SLC35F4: variants seen among roughly 807,000 people sequenced by gnomAD.
SLC35F4 encodes the protein chromosome 14 open reading frame 36.
A neutral mutation model predicts 44.2 loss-of-function variants in SLC35F4; 24 were observed. That is an observed-to-expected ratio of 0.54 (90% CI 0.39 to 0.76). The LOEUF is 0.76. Ranked by LOEUF, SLC35F4 falls within the 30% of genes least tolerant of loss-of-function variation. The probability of loss-of-function intolerance (pLI) is 0.00; values close to 1 mark genes in which losing one functional copy is unlikely to be tolerated. For missense variants in SLC35F4, 562 were observed against 586.1 expected, an observed-to-expected ratio of 0.96 and a Z score of 0.42; for synonymous variants, 238 against 223.6, an observed-to-expected ratio of 1.06 and a Z score of -0.57.
chr14:57,794,284 T>A (rs1186941981), intron 1 of SLC35F4, among the ~76,000 whole-genome samples: 1 of 152,030 alleles, frequency 6.6e-6, no homozygotes, highest in Non-Finnish European at 1.5e-5. Context: ...GGAGAAAATA[T>A]CTGCAAACTA....
chr14:57,946,469 CTTTT>C (rs71104596), intron 1 of SLC35F4, among the ~76,000 whole-genome samples: 161 of 78,204 alleles, frequency 2.1e-3, no homozygotes, highest in African/African-American at 8.5e-3. Flanking sequence ...GTTTTCTTTT[CTTTT>C]TTTTTTTTTT....
At chr14:57,690,939 A>G (rs1019229314) in intron 1 of SLC35F4, among the ~76,000 whole-genome samples, 1 of 152,140 alleles carries the variant, frequency 6.6e-6, no homozygotes, top group Non-Finnish European at 1.5e-5. Flanking sequence ...CCTGCTGTGC[A>G]GCCCAGTACC....
chr14:57,850,935 T>G (rs1413373192), intron 1 of SLC35F4, among the ~76,000 whole-genome samples: 4 of 152,220 alleles, frequency 2.6e-5, no homozygotes, highest in African/African-American at 9.6e-5. Flanking sequence ...AATATGACAT[T>G]AATTCAACTT....
chr14:57,643,681 T>C (rs2073354262), intron 1 of SLC35F4, among the ~76,000 whole-genome samples: 2 of 152,156 alleles, frequency 1.3e-5, no homozygotes, highest in African/African-American at 4.8e-5. Flanking sequence ...GTTTGTTACT[T>C]ATGTATACAT....
intron 1 of SLC35F4, among the ~76,000 whole-genome samples, chr14:57,635,482 A>G (rs1246475906): frequency 1.3e-5 from 2 of 152,046 alleles, no homozygotes; most frequent in Non-Finnish European, 2.9e-5. Context: ...TGCTCAGAAG[A>G]TAACACTGGG....
rs75162297 is a variant in SLC35F4 at position 57,827,332 on chromosome 14, A to C, written c.103+38391T>G. ...ATGAGAACAGGGAGGGGAACAACAC[A>C]CACTAGGACCTTTCACGGGAGCTGG... is the stretch of plus-strand genomic sequence containing the variant. On this transcript the variant is annotated intron_variant, in intron 1 of 7. Coordinates refer to ENST00000556826, the MANE Select transcript of SLC35F4 (RefSeq NM_001306087.2). Among the ~76,000 whole-genome samples the C allele has an allele frequency of 3.7e-3, 569 of 152,114 alleles. 4 individuals are homozygous for C. The highest frequency in any genetic ancestry group is 0.013 in the African/African-American group (546 of 41,500).
intron 1 of SLC35F4, among the ~76,000 whole-genome samples, chr14:57,862,248 A>G (rs1887746006): frequency 6.6e-6 from 1 of 151,916 alleles, no homozygotes; most frequent in Non-Finnish European, 1.5e-5. Context: ...ATATATGCAG[A>G]CTCTGACCAC....
chr14:57,609,275 A>G (rs554728069), intron 1 of SLC35F4, among the ~76,000 whole-genome samples: 1 of 152,276 alleles, frequency 6.6e-6, no homozygotes, highest in East Asian at 1.9e-4. Context: ...ATTTATAAAA[A>G]TCAGGCATGT....
At chr14:57,937,021 A>T (rs541790138) in intron 1 of SLC35F4, among the ~76,000 whole-genome samples, 12 of 152,036 alleles carry the variant, frequency 7.9e-5, no homozygotes, top group South Asian at 4.2e-4. Context: ...ATTGAGCTTT[A>T]GCCTTACATT....
intron 1 of SLC35F4, among the ~76,000 whole-genome samples, chr14:57,793,167 C>T (rs2077969030): frequency 6.6e-6 from 1 of 151,934 alleles, no homozygotes. Flanking sequence ...TAACAGAATG[C>T]AAAAGAATTA....
At chr14:57,704,833 A>G (rs533241911) in intron 1 of SLC35F4, among the ~76,000 whole-genome samples, 5 of 152,254 alleles carry the variant, frequency 3.3e-5, no homozygotes, top group African/African-American at 4.8e-5. Context: ...CTGGCCTGTA[A>G]TCACTCCTTT....
At chr14:57,788,187 G>GT (rs1175182616) in intron 1 of SLC35F4, among the ~76,000 whole-genome samples, 1 of 152,088 alleles carries the variant, frequency 6.6e-6, no homozygotes, top group Non-Finnish European at 1.5e-5. Context: ...TTATATAATG[G>GT]TAAAAGGCCT....
intron 1 of SLC35F4, among the ~76,000 whole-genome samples, chr14:57,833,445 C>G (rs1884584307): frequency 6.6e-6 from 1 of 152,154 alleles, no homozygotes; most frequent in Admixed American, 6.5e-5. Context: ...AAAAGCTCCC[C>G]AGGTGATTCT....
chr14:57,852,011 T>A (rs1227846904), intron 1 of SLC35F4, among the ~76,000 whole-genome samples: 1 of 152,210 alleles, frequency 6.6e-6, no homozygotes, highest in African/African-American at 2.4e-5. Context: ...ATTTATGGAG[T>A]GCCCAAGCAT....
At chr14:57,802,764 G>A (rs190309611) in intron 1 of SLC35F4, among the ~76,000 whole-genome samples, 1 of 152,122 alleles carries the variant, frequency 6.6e-6, no homozygotes, top group East Asian at 1.9e-4. Flanking sequence ...GACTGAACCA[G>A]GAAGAAATTG....
At chr14:57,894,475 G>A (rs957723746) in intron 1 of SLC35F4, among the ~76,000 whole-genome samples, 1 of 152,042 alleles carries the variant, frequency 6.6e-6, no homozygotes, top group Non-Finnish European at 1.5e-5. Flanking sequence ...GCCTCTATTA[G>A]TACCTAGTCA....
At chr14:57,840,042 C>G (rs1202411813) in intron 1 of SLC35F4, among the ~76,000 whole-genome samples, 1 of 152,140 alleles carries the variant, frequency 6.6e-6, no homozygotes, top group Admixed American at 6.5e-5. Flanking sequence ...TATTGAGTGC[C>G]TACTCTGTCC....
At chr14:57,818,805 G>A (rs942061668) in intron 1 of SLC35F4, among the ~76,000 whole-genome samples, 2 of 152,160 alleles carry the variant, frequency 1.3e-5, no homozygotes, top group East Asian at 3.9e-4. Context: ...GCCTCAGGAC[G>A]AAGTACAACA....
intron 1 of SLC35F4, among the ~76,000 whole-genome samples, chr14:57,744,043 C>T (rs1199321889): frequency 6.6e-6 from 1 of 152,180 alleles, no homozygotes; most frequent in Non-Finnish European, 1.5e-5. Context: ...ATGCTAAAAA[C>T]TCTCAATAAA....
Sources: allele counts gnomAD v4.1 joint callset (sites outside exome capture counted in the v4.1 genomes callset), GRCh38; gene constraint gnomAD v4.1.1; transcripts MANE v1.5; gene names NCBI Gene and HGNC (gene_info 2026-07-23, HGNC 2026-07-21).